The following IGFBP7 variants were observed in gnomAD, a reference collection of about 807,000 sequenced individuals.
IGFBP7 encodes insulin like growth factor binding protein 7.
A neutral mutation model predicts 29.4 loss-of-function variants in IGFBP7; 31 were observed. The observed-to-expected ratio is 1.05, with a 90% CI of 0.79 to 1.42. IGFBP7 has a LOEUF of 1.42. Among genes scored for constraint, IGFBP7 ranks in the 40% most tolerant of loss-of-function variants. The pLI, the probability that IGFBP7 is intolerant of heterozygous loss-of-function variation, is 0.00. For synonymous variants in IGFBP7, 172 were observed against 174.9 expected, an observed-to-expected ratio of 0.98 and a Z score of 0.13; for missense variants, 393 against 395.5, an observed-to-expected ratio of 0.99 and a Z score of 0.05.
intron 1 of IGFBP7, among the ~76,000 whole-genome samples, chr4:57,066,273 T>G (rs954043357): frequency 1.3e-5 from 2 of 152,176 alleles, no homozygotes; most frequent in Non-Finnish European, 2.9e-5. Context: ...GCCAGTGCTG[T>G]GCTGTTAGGA....
At chr4:57,095,336 T>C (rs1454635700) in intron 1 of IGFBP7, among the ~76,000 whole-genome samples, 1 of 152,172 alleles carries the variant, frequency 6.6e-6, no homozygotes. Context: ...CCAGAAGCAG[T>C]GGTTCAGTAT....
chr4:57,080,919 A>G (rs1441743378), intron 1 of IGFBP7, among the ~76,000 whole-genome samples: 4 of 152,146 alleles, frequency 2.6e-5, no homozygotes, highest in African/African-American at 9.7e-5. Context: ...TGCCAAGGGG[A>G]TATCTCTGTT....
Position 57,110,344 on chromosome 4 carries a change from C to G in IGFBP7, c.8G>C (p.Arg3Pro), listed in dbSNP as rs993529472. The change falls in exon 1 of 5, where the codon CGG becomes CCG. Residue 3 changes from arginine (R) to proline (P), a missense_variant. By Grantham distance (103) the Arg-to-Pro change is moderately radical. Coordinates refer to ENST00000295666, the MANE Select transcript of IGFBP7 (RefSeq NM_001553.3). ME[R>P]PSLRALLLGA... ...GAGGAGCAGGGCGCGCAGCGACGGCCGCTCCATGGCGGGGTGCGGTGGCAG... is the reference window on the plus strand; with the variant it reads ...GAGGAGCAGGGCGCGCAGCGACGGCGGCTCCATGGCGGGGTGCGGTGGCAG... 5.2e-5 allele frequency: 71 copies of G among 1,367,150 alleles called. No individual in the cohort carries two copies. Among genetic ancestry groups the G allele is most frequent in the Non-Finnish European group, 6.1e-5 (65 of 1,058,806 alleles). 84.7% of individuals were successfully genotyped at this position (1,367,150 alleles called of 1,614,324 possible). A position where few individuals can be genotyped will look rare whatever the true frequency, so the allele number is the denominator to read the frequency against.
intron 2 of IGFBP7, among the ~76,000 whole-genome samples, chr4:57,034,856 A>T (rs1724045177): frequency 6.6e-6 from 1 of 152,232 alleles, no homozygotes; most frequent in Admixed American, 6.5e-5. Context: ...AGAGAAAACC[A>T]CGTAACTTAA....
intron 1 of IGFBP7, among the ~76,000 whole-genome samples, chr4:57,099,772 C>T (rs747154747): frequency 1.3e-5 from 2 of 152,200 alleles, no homozygotes; most frequent in Non-Finnish European, 2.9e-5. Flanking sequence ...CTTCTGTCAT[C>T]CAGGCTGGAG....
intron 1 of IGFBP7, among the ~76,000 whole-genome samples, chr4:57,041,845 C>G (rs549101017): frequency 1.3e-5 from 2 of 152,042 alleles, no homozygotes; most frequent in Non-Finnish European, 2.9e-5. Flanking sequence ...GGCCAGGAGG[C>G]ACCTTTGAAC....
chr4:57,055,475 A>G (rs1221617034), intron 1 of IGFBP7, among the ~76,000 whole-genome samples: 1 of 152,192 alleles, frequency 6.6e-6, no homozygotes, highest in East Asian at 1.9e-4. Context: ...AGAAGAAATT[A>G]TGTTCGTAGG....
At position 57,031,342 on chromosome 4, in the gene IGFBP7, T is replaced by TAA. The variant is rs753927314; in HGVS notation, c.830-8_830-7dup. On this transcript the variant is annotated splice_region_variant and splice_polypyrimidine_tract_variant and intron_variant, in intron 4 of 4. Coordinates refer to ENST00000295666, the MANE Select transcript of IGFBP7 (RefSeq NM_001553.3). ...TTATAGCTCGGCACCTTCACCTGTT[T>TAA]AAAAAAAAAAAAAGATAAAAATTAG... The TAA allele has an allele frequency of 1.9e-4, 242 of 1,275,284 alleles. No individual in the cohort carries two copies. The highest frequency in any genetic ancestry group is 3.3e-4 in the African/African-American group (22 of 66,044). The allele number at this position is 1,275,284 out of a possible 1,614,324, so 79.0% of individuals were successfully genotyped here.
At chr4:57,039,400 C>A (rs1199915173) in intron 2 of IGFBP7, among the ~76,000 whole-genome samples, 1 of 152,096 alleles carries the variant, frequency 6.6e-6, no homozygotes, top group East Asian at 1.9e-4. Context: ...GGCAATTCCC[C>A]AGCTCCACAC....
chr4:57,072,821 C>T, intron 1 of IGFBP7: 1 of 574,564 alleles, frequency 1.7e-6, no homozygotes, highest in South Asian at 1.4e-5. Flanking sequence ...ATATGAAGAC[C>T]TGAGGTATAA....
chr4:57,109,830 G>T, intron 1 of IGFBP7, 47 bp downstream of exon 1: 1 of 1,517,482 alleles, frequency 6.6e-7, no homozygotes, highest in Non-Finnish European at 8.8e-7. Context: ...TGTGCCCTTC[G>T]CTGGGCCGAG....
At chr4:57,096,825 T>C (rs1340287465) in intron 1 of IGFBP7, among the ~76,000 whole-genome samples, 2 of 152,202 alleles carry the variant, frequency 1.3e-5, no homozygotes, top group African/African-American at 2.4e-5. Context: ...TACATCTGTT[T>C]ATAGTTGAAT....
At chr4:57,080,144 C>CTGAA (rs557691923) in intron 1 of IGFBP7, among the ~76,000 whole-genome samples, 62 of 152,222 alleles carry the variant, frequency 4.1e-4, no homozygotes, top group African/African-American at 1.4e-3. Context: ...TGGTGGGTAC[C>CTGAA]TGAATGAATG....
intron 1 of IGFBP7, among the ~76,000 whole-genome samples, chr4:57,062,458 G>A (rs1323944959): frequency 2.6e-5 from 4 of 152,208 alleles, no homozygotes; most frequent in African/African-American, 7.2e-5. Context: ...AAATGTTTCT[G>A]AGGTGTTATC....
chr4:57,030,825 G>A lies in IGFBP7; in HGVS notation c.*492C>T, dbSNP rs1723893964. On this transcript the variant is annotated 3_prime_UTR_variant, in exon 5 of 5. Coordinates refer to ENST00000295666, the MANE Select transcript of IGFBP7 (RefSeq NM_001553.3). ...TCATTATCTACAGTACCAGATCTTT[G>A]TCTTTTTCTGGGGTAGAGAAGTGGG... 12 of 827,804 alleles carry A rather than the reference G, an allele frequency of 1.4e-5. No individual in the cohort carries two copies. The highest frequency in any genetic ancestry group is 2.6e-5 in the Non-Finnish European group (12 of 470,364). 51.3% of individuals were successfully genotyped at this position (827,804 alleles called of 1,614,324 possible). A position where few individuals can be genotyped will look rare whatever the true frequency, so the allele number is the denominator to read the frequency against.
At chr4:57,038,655 T>G (rs1724141473) in intron 2 of IGFBP7, among the ~76,000 whole-genome samples, 1 of 152,220 alleles carries the variant, frequency 6.6e-6, no homozygotes, top group South Asian at 2.1e-4. Context: ...AAAATGGATG[T>G]CTGGTTATGC....
intron 1 of IGFBP7, among the ~76,000 whole-genome samples, chr4:57,095,291 G>T (rs1241335416): frequency 1.3e-5 from 2 of 152,208 alleles, no homozygotes; most frequent in Non-Finnish European, 2.9e-5. Flanking sequence ...ATAAAAATGT[G>T]ATTGGAGGCT....
chr4:57,106,780 C>T (rs763052398), intron 1 of IGFBP7, among the ~76,000 whole-genome samples: 3 of 152,168 alleles, frequency 2.0e-5, no homozygotes, highest in African/African-American at 2.4e-5. Context: ...AATTGGAATA[C>T]AGAAGCATCA....
chr4:57,083,292 C>T (rs1235346905), intron 1 of IGFBP7, among the ~76,000 whole-genome samples: 1 of 152,118 alleles, frequency 6.6e-6, no homozygotes, highest in East Asian at 1.9e-4. Flanking sequence ...TCCCCATTTC[C>T]CTGCACATTT....
Sources: gnomAD v4.1 joint callset for allele counts (sites outside exome capture counted in the v4.1 genomes callset) on GRCh38, gnomAD v4.1.1 for gene constraint, MANE v1.5 for transcripts, NCBI Gene and HGNC (gene_info 2026-07-23, HGNC 2026-07-21) for gene names.